The following CREBBP variants were observed in gnomAD, a reference collection of about 807,000 sequenced individuals.
The protein encoded by CREBBP is CREB-binding protein.
In CREBBP, 19 loss-of-function variants were observed where a neutral mutation model predicts 265.0. That is an observed-to-expected ratio of 0.07 (90% CI 0.05 to 0.11). CREBBP has a LOEUF of 0.11. Among genes scored for constraint, CREBBP ranks in the 10% least tolerant of loss-of-function variants. The probability of loss-of-function intolerance (pLI) is 1.00; values close to 1 mark genes in which losing one functional copy is unlikely to be tolerated. For missense variants in CREBBP, 2,525 were observed against 3,219.0 expected (o/e 0.78, Z 5.22); for synonymous variants, 1,457 against 1,223.7 (o/e 1.19, Z -3.98).
chr16:3,842,590 A>G (rs991629356), intron 2 of CREBBP, among the ~76,000 whole-genome samples: 1 of 151,802 alleles, frequency 6.6e-6, no homozygotes, highest in Non-Finnish European at 1.5e-5. Flanking sequence ...AAATAGTAAT[A>G]TCATGTATTG....
At chr16:3,766,361 C>T (rs896862185) in intron 16 of CREBBP, among the ~76,000 whole-genome samples, 1 of 152,186 alleles carries the variant, frequency 6.6e-6, no homozygotes, top group Admixed American at 6.5e-5. Flanking sequence ...TCATACACTT[C>T]AACCAAAATA....
rs545907683 is a variant in CREBBP, at chr16:3,844,147, C to CAAAA, written c.798+6146_798+6149dup. ...TGGGCGACAGAGCGAGACTCCGTCT[C>CAAAA]AAAAAAAAAAAAAAAAAAAAAAAAA... On this transcript the variant is annotated intron_variant, in intron 2 of 30. Transcript: ENST00000262367. Among the ~76,000 whole-genome samples, 36 of 19,710 alleles carry CAAAA rather than the reference C, an allele frequency of 1.8e-3. 1 individual carries two copies. The highest frequency in any genetic ancestry group is 6.3e-3 in the African/African-American group (32 of 5,086). The allele number at this position is 19,710 out of a possible 152,430, so 12.9% of individuals were successfully genotyped here.
At chr16:3,866,998 A>G (rs962198864) in intron 1 of CREBBP, among the ~76,000 whole-genome samples, 4 of 152,226 alleles carry the variant, frequency 2.6e-5, no homozygotes, top group Non-Finnish European at 5.9e-5. Flanking sequence ...CAATCTCTAC[A>G]TTAATTAACT....
chr16:3,779,786 G>C (rs1195874745), intron 8 of CREBBP, among the ~76,000 whole-genome samples: 1 of 152,222 alleles, frequency 6.6e-6, no homozygotes, highest in African/African-American at 2.4e-5. Flanking sequence ...CAAAGGGAAT[G>C]TAAGTCTAGC....
chr16:3,740,191 G>T (rs1205332689), intron 24 of CREBBP, among the ~76,000 whole-genome samples: 1 of 152,194 alleles, frequency 6.6e-6, no homozygotes, highest in East Asian at 1.9e-4. Flanking sequence ...TATGGTATGT[G>T]GTCTCTCTCT....
intron 1 of CREBBP, among the ~76,000 whole-genome samples, chr16:3,864,939 T>A (rs1170893843): frequency 6.6e-6 from 1 of 152,112 alleles, no homozygotes; most frequent in Non-Finnish European, 1.5e-5. Context: ...TGGTAGTGCA[T>A]GCCTGTAATC....
At position 3,727,268 on chromosome 16, in the gene CREBBP, T is replaced by TTA. The variant is rs1309073521; in HGVS notation, c.*448_*449dup. ...AACATCACAAAGTTATCGGGATACA[T>TTA]TATAAGCTTGCATTATTTCAGGAAT... On this transcript the variant is annotated 3_prime_UTR_variant, in exon 31 of 31. Transcript: ENST00000262367. 3.8e-6 allele frequency: 1 copy of TTA among 265,892 alleles called. No homozygotes were observed. Among genetic ancestry groups the TTA allele is most frequent in the African/African-American group, 2.2e-5 (1 of 45,416 alleles). 16.5% of individuals were successfully genotyped at this position (265,892 alleles called of 1,614,324 possible).
intron 3 of CREBBP, among the ~76,000 whole-genome samples, chr16:3,797,985 G>T (rs2053640728): frequency 6.6e-6 from 1 of 152,098 alleles, no homozygotes; most frequent in African/African-American, 2.4e-5. Context: ...CTAAAAAATT[G>T]GGCAAAGAAA....
Position 3,736,916 on chromosome 16 carries a change from A to T in CREBBP, c.4395-101T>A, listed in dbSNP as rs1012059735. 3.6e-6 allele frequency: 5 copies of T among 1,403,480 alleles called. No individual in the cohort carries two copies. In the African/African-American group the frequency reaches 5.6e-5, roughly 16 times the overall value. The allele number at this position is 1,403,480 out of a possible 1,614,324, so 86.9% of individuals were successfully genotyped here. The stretch of plus-strand genomic sequence containing the variant: ...GAGCAAGGACTAAAGCCAGGACAGA[A>T]GTAACCAGAGAGAGAGAATGAATGC... On this transcript the variant is annotated intron_variant, in intron 26 of 30. Coordinates refer to ENST00000262367, the MANE Select transcript of CREBBP (RefSeq NM_004380.3).
rs1413003835 is a variant in CREBBP at position 3,793,629 on chromosome 16, AAAAT to A, written c.976-7_976-4del. ...CCCACTGATGTTTGCATCTGAGACT[AAAAT>A]AAAGCAAAATAATAAAAATACTTTA... On this transcript the variant is annotated splice_polypyrimidine_tract_variant and splice_region_variant and intron_variant, in intron 3 of 30. Transcript: ENST00000262367. The A allele has an allele frequency of 3.7e-6, 6 of 1,612,170 alleles. No individual in the cohort carries two copies. The East Asian group carries it at 8.9e-5, about 24-fold the overall frequency.
chr16:3,843,434 T>TG (rs898519508), intron 2 of CREBBP, among the ~76,000 whole-genome samples: 1 of 151,530 alleles, frequency 6.6e-6, no homozygotes, highest in Non-Finnish European at 1.5e-5. Flanking sequence ...TTTTTTTTTT[T>TG]TTTTTGAGTC....
intron 2 of CREBBP, among the ~76,000 whole-genome samples, chr16:3,832,249 T>G (rs1372168032): frequency 6.6e-6 from 1 of 152,156 alleles, no homozygotes; most frequent in Non-Finnish European, 1.5e-5. Context: ...GTGAATTTTA[T>G]CAAACATTTA....
intron 7 of CREBBP, 119 bp downstream of exon 7, chr16:3,781,085 C>T: frequency 9.4e-7 from 1 of 1,064,038 alleles, no homozygotes; most frequent in South Asian, 1.4e-5. Context: ...ACAGCATTCA[C>T]CCCTCACCAC....
At chr16:3,730,052 G>C (rs77313528) in intron 30 of CREBBP, among the ~76,000 whole-genome samples, 178 bp from the exon 31 acceptor site, 1 of 152,100 alleles carries the variant, frequency 6.6e-6, no homozygotes, top group Non-Finnish European at 1.5e-5. Context: ...GCGGGAGCAC[G>C]GACAAGATGG....
At chr16:3,849,429 GTGTGTGTGTGTGTGTGTGTGTGT>G (rs1567360195) in intron 2 of CREBBP, among the ~76,000 whole-genome samples, 247 of 12,788 alleles carry the variant, frequency 0.019, 4 homozygotes, top group Non-Finnish European at 0.049. Context: ...GTGTGTGTGT[GTGTGTGTGTGTGTGTGTGTGTGT>G]GTGTGTGTGT....
chr16:3,845,467 G>GT (rs2054647423), intron 2 of CREBBP, among the ~76,000 whole-genome samples: 2 of 152,104 alleles, frequency 1.3e-5, no homozygotes, highest in African/African-American at 2.4e-5. Flanking sequence ...ACAGCATATC[G>GT]TATCAGTGGG....
intron 12 of CREBBP, 135 bp from the exon 13 acceptor site, chr16:3,774,065 A>T: frequency 1.0e-6 from 1 of 960,654 alleles, no homozygotes; most frequent in South Asian, 1.3e-5. Flanking sequence ...GCCCTTCCTC[A>T]TGGGAAGAGA....
At chr16:3,831,470 G>A (rs1484662151) in intron 2 of CREBBP, among the ~76,000 whole-genome samples, 1 of 151,942 alleles carries the variant, frequency 6.6e-6, no homozygotes, top group African/African-American at 2.4e-5. Context: ...TGTTAATATT[G>A]GAAAAGTCTA....
intron 2 of CREBBP, among the ~76,000 whole-genome samples, chr16:3,835,651 G>C (rs970366221): frequency 2.0e-5 from 3 of 150,020 alleles, no homozygotes; most frequent in African/African-American, 7.4e-5. Context: ...GGGATCTCGG[G>C]TCACTGCAAG....
Sources: allele counts gnomAD v4.1 joint callset (sites outside exome capture counted in the v4.1 genomes callset), GRCh38; gene constraint gnomAD v4.1.1; transcripts MANE v1.5; gene names NCBI Gene and HGNC (gene_info 2026-07-23, HGNC 2026-07-21).